CCDC141: variants seen among roughly 807,000 people sequenced by gnomAD.
The protein encoded by CCDC141 is coiled-coil domain containing 141.
Under a neutral mutation model 181.0 loss-of-function variants are expected in CCDC141, and 168 were observed. The observed-to-expected ratio is 0.93, with a 90% CI of 0.82 to 1.05. The LOEUF is 1.05. Ranked by LOEUF, CCDC141 falls within the 50% of genes least tolerant of loss-of-function variation. CCDC141 has a pLI of 0.00. For missense variants in CCDC141, 1,902 were observed against 1,788.5 expected, an observed-to-expected ratio of 1.06 and a Z score of -1.14; for synonymous variants, 666 against 642.3, an observed-to-expected ratio of 1.04 and a Z score of -0.56.
chr2:178,978,398 G>T, intron 3 of CCDC141, 86 bp downstream of exon 3: 1 of 871,368 alleles, frequency 1.1e-6, no homozygotes, highest in Non-Finnish European at 1.6e-6. Context: ...TGCTTGCAAT[G>T]TCTATTTGTG....
chr2:178,949,886 G>A (rs1056340343), intron 5 of CCDC141, among the ~76,000 whole-genome samples: 3 of 152,210 alleles, frequency 2.0e-5, no homozygotes, highest in East Asian at 3.8e-4. Context: ...GCGGCAAGAA[G>A]GTGAACTTCT....
At chr2:178,892,827 C>T (rs1203851061) in intron 8 of CCDC141, among the ~76,000 whole-genome samples, 2 of 152,102 alleles carry the variant, frequency 1.3e-5, no homozygotes, top group South Asian at 2.1e-4. Flanking sequence ...CAAGAACTGA[C>T]GGTGGGTAAC....
Position 178,962,672 on chromosome 2 carries a change from C to T in CCDC141, c.527-1189G>A, listed in dbSNP as rs1272888527. Among the ~76,000 whole-genome samples, 5 of 148,200 alleles carry T rather than the reference C, an allele frequency of 3.4e-5. No individual in the cohort carries two copies. The East Asian group carries it at 1.0e-3, about 30-fold the overall frequency. Reference sequence around the variant, plus strand: ...CTTTCTTTCTTTCCTCTGTCTCTCTCACACACACACGCATGCACACACACT... The same window carrying T: ...CTTTCTTTCTTTCCTCTGTCTCTCTTACACACACACGCATGCACACACACT... On this transcript the variant is annotated intron_variant, in intron 4 of 23. Transcript: ENST00000443758.
rs1193571792 is a variant in CCDC141, at chr2:178,905,504, G to A, written c.1093-3C>T. 6.5e-7 allele frequency: 1 copy of A among 1,539,756 alleles called. No homozygotes were observed. On this transcript the variant is annotated splice_polypyrimidine_tract_variant and splice_region_variant and intron_variant, in intron 7 of 23. Transcript: ENST00000443758. Reference sequence around the variant, plus strand: ...ACTCTTCCAAGTACATCAAATGCCTGCCAAAGAAAACATACTTTTATTTTC... The same window carrying A: ...ACTCTTCCAAGTACATCAAATGCCTACCAAAGAAAACATACTTTTATTTTC...
At chr2:178,915,289 T>C (rs1688395814) in intron 7 of CCDC141, among the ~76,000 whole-genome samples, 1 of 152,216 alleles carries the variant, frequency 6.6e-6, no homozygotes, top group African/African-American at 2.4e-5. Context: ...ATATATGATA[T>C]GAGAAAATTA....
chr2:178,911,689 C>T (rs913692696), intron 7 of CCDC141, among the ~76,000 whole-genome samples: 2 of 152,170 alleles, frequency 1.3e-5, no homozygotes, highest in Non-Finnish European at 2.9e-5. Flanking sequence ...ATTGATTTGT[C>T]ACATGGCCAG....
chr2:178,854,450 G>A lies in CCDC141; in HGVS notation c.3061-826C>T, dbSNP rs555495896. Among the ~76,000 whole-genome samples, 7 of 152,270 alleles carry A rather than the reference G, an allele frequency of 4.6e-5. No homozygotes were observed. In the South Asian group the frequency reaches 1.5e-3, roughly 32 times the overall value. On this transcript the variant is annotated intron_variant, in intron 19 of 23. Coordinates refer to ENST00000443758, the MANE Select transcript of CCDC141 (RefSeq NM_173648.4). The stretch of plus-strand genomic sequence containing the variant: ...GAGGCAGGAGAATGGTGTGAACCCG[G>A]GAGGCAGAGCTTGCAGTGAGTCGAG...
intron 18 of CCDC141, among the ~76,000 whole-genome samples, chr2:178,855,996 T>C (rs1196117270): frequency 6.6e-6 from 1 of 152,146 alleles, no homozygotes; most frequent in Non-Finnish European, 1.5e-5. Context: ...TGTGTGTGTA[T>C]GTGTTGGGGA....
At chr2:178,895,292 TCTTC>T (rs1687352341) in intron 8 of CCDC141, among the ~76,000 whole-genome samples, 1 of 152,148 alleles carries the variant, frequency 6.6e-6, no homozygotes, top group Non-Finnish European at 1.5e-5. Context: ...CCCTCACATC[TCTTC>T]CTGTCTCTTT....
chr2:178,982,409 T>C (rs1243007938), intron 2 of CCDC141, among the ~76,000 whole-genome samples: 1 of 152,150 alleles, frequency 6.6e-6, no homozygotes, highest in African/African-American at 2.4e-5. Flanking sequence ...GGTGAAAGAC[T>C]TGTACATTGA....
At chr2:178,951,938 C>T (rs1689968171) in intron 5 of CCDC141, among the ~76,000 whole-genome samples, 1 of 152,134 alleles carries the variant, frequency 6.6e-6, no homozygotes, top group African/African-American at 2.4e-5. Context: ...TAATTAATAA[C>T]CAAAATGTTG....
At chr2:178,981,701 G>GAA (rs140971165) in intron 2 of CCDC141, among the ~76,000 whole-genome samples, 1 of 112,584 alleles carries the variant, frequency 8.9e-6, no homozygotes, top group African/African-American at 3.4e-5. Context: ...GAGAGAGAGA[G>GAA]AAAAAAAAAC....
rs1426708177 is a variant in CCDC141 at position 178,834,252 on chromosome 2, G to A, written c.4514C>T (p.Pro1505Leu). 1 of 1,536,172 alleles carries A rather than the reference G, an allele frequency of 6.5e-7. No homozygotes were observed. The highest frequency in any genetic ancestry group is 1.2e-5 in the South Asian group (1 of 84,052). ...GGTTATCCAGTTTACTCTTGTGATT[G>A]GCAGCCTGCAGTTACCTGTCACGTG... ...ILHVTGNCRL[P>L]ITRVNWITLC... The change falls in exon 24 of 24, where the codon CCA (proline) becomes CTA (leucine). Residue 1505 changes from proline (P) to leucine (L), a missense_variant. Coordinates refer to ENST00000443758, the MANE Select transcript of CCDC141 (RefSeq NM_173648.4).
intron 7 of CCDC141, among the ~76,000 whole-genome samples, chr2:178,909,979 C>T (rs1052943556): frequency 6.6e-6 from 1 of 152,150 alleles, no homozygotes; most frequent in East Asian, 1.9e-4. Flanking sequence ...TCTTCTTGAA[C>T]ATTTTATATG....
intron 3 of CCDC141, among the ~76,000 whole-genome samples, chr2:178,976,584 A>G (rs994766098): frequency 2.0e-5 from 3 of 152,196 alleles, no homozygotes; most frequent in African/African-American, 7.2e-5. Flanking sequence ...ATTATAGCAC[A>G]GTGTTCGAGG....
rs533310995 is a variant in CCDC141, at chr2:178,882,017, A to G, written c.1719+2884T>C. 6.6e-5 allele frequency among the ~76,000 whole-genome samples: 10 copies of G among 152,022 alleles called. No homozygotes were observed. The East Asian group carries it at 1.9e-3, about 29-fold the overall frequency. On this transcript the variant is annotated intron_variant, in intron 11 of 23. Transcript: ENST00000443758. ...TGGAGTGGTAGCCTTGGTGAGGGCA[A>G]GACTGTAAGGACATCACTGTAGAAC...
intron 6 of CCDC141, among the ~76,000 whole-genome samples, chr2:178,925,003 G>T (rs1487280613): frequency 6.6e-6 from 1 of 152,148 alleles, no homozygotes; most frequent in Non-Finnish European, 1.5e-5. Context: ...ACCACCAGTT[G>T]GTACATTTCT....
In CCDC141 at chr2:178,837,572, AAGG is replaced by A. The variant is rs745713777; in HGVS notation, c.3644_3646del (p.Ser1215del). On this transcript the variant is annotated inframe_deletion, in exon 23 of 24. Coordinates refer to ENST00000443758, the MANE Select transcript of CCDC141 (RefSeq NM_173648.4). ...CTCAGGGCTTCCTGGGAGAGGAGGCAAGGAGATGTCATCAGGTGAGACACACTC... is the reference window on the plus strand; with the variant it reads ...CTCAGGGCTTCCTGGGAGAGGAGGCAAGATGTCATCAGGTGAGACACACTC... The A allele has an allele frequency of 5.6e-6, 9 of 1,613,770 alleles. No homozygotes were observed. In the Admixed American group the frequency reaches 1.0e-4, roughly 18 times the overall value.
At chr2:178,818,151 C>T in the CCDC141 span, among the ~76,000 whole-genome samples, 2 of 151,926 alleles carry the variant, frequency 1.3e-5, no homozygotes, top group African/African-American at 4.8e-5. Flanking sequence ...TCTTTCTAAA[C>T]AATGTCAAAT....
Sources: gnomAD v4.1 joint callset for allele counts (sites outside exome capture counted in the v4.1 genomes callset) on GRCh38, gnomAD v4.1.1 for gene constraint, MANE v1.5 for transcripts, NCBI Gene and HGNC (gene_info 2026-07-23, HGNC 2026-07-21) for gene names.